ALPK2: variants seen among roughly 807,000 people sequenced by gnomAD.
The protein encoded by ALPK2 is alpha kinase 2.
ALPK2 carries 127 observed loss-of-function variants against 163.1 expected under a neutral mutation model. The observed-to-expected ratio is 0.78, with a 90% CI of 0.67 to 0.90. The LOEUF (loss-of-function observed/expected upper bound fraction) is 0.90. ALPK2 is among the 40% of genes least tolerant of loss of function. ALPK2 has a pLI of 0.00. For synonymous variants in ALPK2, 953 were observed against 959.1 expected (o/e 0.99, Z 0.12); for missense variants, 2,360 against 2,589.6 (o/e 0.91, Z 1.92).
At chr18:58,558,762 T>A (rs540428850) in intron 4 of ALPK2, among the ~76,000 whole-genome samples, 1 of 152,370 alleles carries the variant, frequency 6.6e-6, no homozygotes, top group African/African-American at 2.4e-5. Flanking sequence ...GGAGTATTGA[T>A]AGATTCTCCC....
At chr18:58,499,200 T>C (rs1027891417) in intron 11 of ALPK2, among the ~76,000 whole-genome samples, 1 of 152,164 alleles carries the variant, frequency 6.6e-6, no homozygotes, top group Non-Finnish European at 1.5e-5. Flanking sequence ...GTAGAACAGC[T>C]ACCTGAGCTT....
At position 58,535,002 on chromosome 18, in the gene ALPK2, T is replaced by A; in HGVS notation, c.5185A>T (p.Lys1729Ter). 6.2e-7 allele frequency: 1 copy of A among 1,614,194 alleles called. No homozygotes were observed. Among genetic ancestry groups the A allele is most frequent in the Non-Finnish European group, 8.5e-7 (1 of 1,180,014 alleles). ...GSGHLAEGVK[K>*]KILSRVAALR... ...GCTGCCACCCTGGACAAAATTTTCT[T>A]CTTTACTCCCTCAGCTAAATGTCCA... The change falls in exon 5 of 13, where the codon AAG (lysine) becomes TAG (stop). Residue 1729 changes from lysine to a stop codon, truncating the protein, a stop_gained. Transcript: ENST00000361673. LOFTEE classifies it high-confidence loss of function.
chr18:58,540,549 G>A (rs1602208937), intron 4 of ALPK2, among the ~76,000 whole-genome samples: 1 of 151,982 alleles, frequency 6.6e-6, no homozygotes, highest in East Asian at 1.9e-4. Context: ...TGGTATTTTG[G>A]TTCAGCCTTT....
intron 1 of ALPK2, among the ~76,000 whole-genome samples, chr18:58,624,375 A>G (rs916674254): frequency 2.0e-5 from 3 of 152,222 alleles, no homozygotes; most frequent in African/African-American, 7.2e-5. Flanking sequence ...GGTCCTGACC[A>G]AAGTCCTGGA....
Position 58,524,055 on chromosome 18 carries a change from C to T in ALPK2, c.5509G>A (p.Asp1837Asn), listed in dbSNP as rs1256175626. The stretch of plus-strand genomic sequence containing the variant: ...ATGGCAAAGGAAACAGTGGAGTTGT[C>T]CCCTGCACTGCAATGAGGAATATTC... ...SIAQVQRSAG[D>N]NSTVSFAIVQ... The change falls in exon 7 of 13, where the codon GAC (aspartate) becomes AAC (asparagine). Residue 1837 changes from aspartate (D) to asparagine (N), a missense_variant. Coordinates refer to ENST00000361673, the MANE Select transcript of ALPK2 (RefSeq NM_052947.4). 5.0e-6 allele frequency: 8 copies of T among 1,612,966 alleles called. No individual in the cohort carries two copies. In the East Asian group the frequency reaches 1.8e-4, roughly 36 times the overall value.
chr18:58,578,685 T>C, intron 4 of ALPK2, 129 bp downstream of exon 4: 1 of 876,956 alleles, frequency 1.1e-6, no homozygotes, highest in Non-Finnish European at 1.7e-6. Context: ...GAAACTTATT[T>C]TGATTTACAT....
intron 2 of ALPK2, among the ~76,000 whole-genome samples, chr18:58,608,370 A>T (rs1450476525): frequency 3.9e-5 from 6 of 152,206 alleles, no homozygotes; most frequent in Admixed American, 3.9e-4. Context: ...ATGGGACGTG[A>T]TGTTAATGGG....
chr18:58,500,138 C>G (rs971844960), intron 11 of ALPK2, among the ~76,000 whole-genome samples: 2 of 151,920 alleles, frequency 1.3e-5, no homozygotes, highest in African/African-American at 2.4e-5. Context: ...AAGTCTCTTT[C>G]GCAGTTGGTA....
intron 4 of ALPK2, chr18:58,538,425 A>C (rs1032524123): frequency 2.7e-5 from 14 of 526,270 alleles, no homozygotes; most frequent in Non-Finnish European, 4.6e-5. Context: ...TCTGTGTTCC[A>C]GGGGGCCCTT....
At chr18:58,538,303 G>T in intron 4 of ALPK2, 79 bp from the exon 5 acceptor site, 2 of 1,271,232 alleles carry the variant, frequency 1.6e-6, no homozygotes, top group Non-Finnish European at 2.2e-6. Context: ...TCCCAAGAGT[G>T]TTAATCCTCA....
chr18:58,624,383 G>A (rs949409308), intron 1 of ALPK2, among the ~76,000 whole-genome samples: 1 of 151,996 alleles, frequency 6.6e-6, no homozygotes, highest in Non-Finnish European at 1.5e-5. Context: ...CCAAAGTCCT[G>A]GACTCTTCCA....
At chr18:58,560,201 A>C (rs914283370) in intron 4 of ALPK2, among the ~76,000 whole-genome samples, 11 of 152,232 alleles carry the variant, frequency 7.2e-5, no homozygotes, top group African/African-American at 2.7e-4. Flanking sequence ...GAGTCTCACA[A>C]GATCTGATGG....
intron 8 of ALPK2, among the ~76,000 whole-genome samples, chr18:58,518,000 G>T (rs1398040732): frequency 2.0e-5 from 3 of 152,104 alleles, no homozygotes; most frequent in East Asian, 3.8e-4. Flanking sequence ...AATCAGGAAG[G>T]TCCACTTTAA....
intron 1 of ALPK2, among the ~76,000 whole-genome samples, chr18:58,615,835 TCCC>T (rs1463658496): frequency 2.0e-5 from 3 of 152,220 alleles, no homozygotes; most frequent in African/African-American, 7.2e-5. Flanking sequence ...CTGTGACTCC[TCCC>T]CAGGTGATGA....
At position 58,537,229 on chromosome 18, in the gene ALPK2, C is replaced by T; in HGVS notation, c.2958G>A (p.Trp986Ter). 1 of 1,614,120 alleles carries T rather than the reference C, an allele frequency of 6.2e-7. No individual in the cohort carries two copies. Among genetic ancestry groups the T allele is most frequent in the South Asian group, 1.1e-5 (1 of 91,078 alleles). Residue 986 changes from tryptophan (W) to a stop codon, truncating the protein, a stop_gained, in exon 5 of 13, where the codon TGG becomes TGA. Transcript: ENST00000361673. LOFTEE classifies it high-confidence loss of function. The stretch of plus-strand genomic sequence containing the variant: ...TAGCAGTTAATGTTGTTGGCTTCTC[C>T]CAAGGAAAACTCACAATTGAACTAT... ...ASYSSIVSFP[W>*]EKPTTLTANN...
intron 1 of ALPK2, among the ~76,000 whole-genome samples, chr18:58,617,118 G>A (rs1316316479): frequency 6.6e-6 from 1 of 152,134 alleles, no homozygotes; most frequent in East Asian, 1.9e-4. Flanking sequence ...GGAGAGCAGA[G>A]AAAAAACAGT....
chr18:58,593,163 A>C (rs8094986), intron 3 of ALPK2, among the ~76,000 whole-genome samples: 2,229 of 152,250 alleles, frequency 0.015, 35 homozygotes, highest in African/African-American at 0.04. Flanking sequence ...GGATTCATGG[A>C]TTGTAACAAA....
At chr18:58,538,836 A>G (rs1390867520) in intron 4 of ALPK2, among the ~76,000 whole-genome samples, 1 of 152,064 alleles carries the variant, frequency 6.6e-6, no homozygotes, top group Non-Finnish European at 1.5e-5. Flanking sequence ...GGTGGGGGGA[A>G]TGAGTGAGTT....
chr18:58,521,688 C>T (rs1364614590), intron 8 of ALPK2, among the ~76,000 whole-genome samples: 11 of 123,876 alleles, frequency 8.9e-5, no homozygotes, highest in Admixed American at 3.1e-4. Context: ...GGGGCAGTGG[C>T]GTGATCTCAG....
Sources: gnomAD v4.1 joint callset for allele counts (sites outside exome capture counted in the v4.1 genomes callset) on GRCh38, gnomAD v4.1.1 for gene constraint, MANE v1.5 for transcripts, NCBI Gene and HGNC (gene_info 2026-07-23, HGNC 2026-07-21) for gene names.